Variants in FAM81B observed in about 807,000 individuals in gnomAD.
FAM81B encodes family with sequence similarity 81 member B.
A neutral mutation model predicts 58.7 loss-of-function variants in FAM81B; 60 were observed. That is an observed-to-expected ratio of 1.02 (90% CI 0.83 to 1.27). The LOEUF is 1.27. FAM81B is among the 50% of genes most tolerant of loss of function. The pLI is 0.00. For missense variants in FAM81B, 491 were observed against 522.0 expected (o/e 0.94, Z 0.58); for synonymous variants, 189 against 179.6 (o/e 1.05, Z -0.42).
chr5:95,401,905 A>G (rs369622768), intron 3 of FAM81B, among the ~76,000 whole-genome samples: 1 of 152,160 alleles, frequency 6.6e-6, no homozygotes, highest in East Asian at 1.9e-4. Context: ...TTTGTGGAAA[A>G]TCTGTTCAGA....
At chr5:95,400,315 C>G (rs1478709712) in intron 3 of FAM81B, among the ~76,000 whole-genome samples, 3 of 152,046 alleles carry the variant, frequency 2.0e-5, no homozygotes, top group Non-Finnish European at 4.4e-5. Flanking sequence ...CCCTGGCACT[C>G]CTTGGCTTGT....
chr5:95,446,463 C>T (rs2152770943), intron 7 of FAM81B, 99 bp from the exon 8 acceptor site: 2 of 1,164,536 alleles, frequency 1.7e-6, no homozygotes, highest in Non-Finnish European at 2.4e-6. Flanking sequence ...GCTAGACACA[C>T]TGAGTCTCGT....
At chr5:95,436,191 T>G (rs1443096130) in intron 6 of FAM81B, among the ~76,000 whole-genome samples, 1 of 152,230 alleles carries the variant, frequency 6.6e-6, no homozygotes, top group African/African-American at 2.4e-5. Context: ...TGAAAGGTGC[T>G]CTAATCTTAA....
At chr5:95,397,240 G>T (rs1373396227) in intron 3 of FAM81B, among the ~76,000 whole-genome samples, 1 of 151,858 alleles carries the variant, frequency 6.6e-6, no homozygotes, top group East Asian at 1.9e-4. Flanking sequence ...ACTTGTATTT[G>T]TTTATATGAC....
chr5:95,423,871 C>T (rs1347779860), intron 5 of FAM81B, among the ~76,000 whole-genome samples: 1 of 152,066 alleles, frequency 6.6e-6, no homozygotes, highest in African/African-American at 2.4e-5. Context: ...TTCCACTAGT[C>T]AACAGTCATA....
Position 95,414,153 on chromosome 5 carries a change from T to C in FAM81B, c.500T>C (p.Ile167Thr). ...RKLLESHIQT[I>T]TSIVKKLSQN... ...TTACTGGAAAGCCACATCCAGACCA[T>C]CACCAGCATCGTCAAAAAACTCAGC... The change falls in exon 4 of 10, where the codon ATC becomes ACC. Residue 167 changes from isoleucine to threonine, a missense_variant. Coordinates refer to ENST00000283357, the MANE Select transcript of FAM81B (RefSeq NM_152548.3). 6.2e-7 allele frequency: 1 copy of C among 1,612,994 alleles called. No individual in the cohort carries two copies. The highest frequency in any genetic ancestry group is 8.5e-7 in the Non-Finnish European group (1 of 1,179,624).
At chr5:95,426,764 C>T (rs1762842334) in intron 5 of FAM81B, among the ~76,000 whole-genome samples, 1 of 152,062 alleles carries the variant, frequency 6.6e-6, no homozygotes, top group Non-Finnish European at 1.5e-5. Flanking sequence ...GAAGCTTGTC[C>T]CAGGCCGGGC....
At chr5:95,445,067 A>G (rs890409065) in intron 7 of FAM81B, among the ~76,000 whole-genome samples, 1 of 152,214 alleles carries the variant, frequency 6.6e-6, no homozygotes, top group African/African-American at 2.4e-5. Context: ...CCTAAAAATA[A>G]TGATTTCACA....
chr5:95,434,639 C>A (rs1455107033), intron 6 of FAM81B, among the ~76,000 whole-genome samples: 1 of 152,196 alleles, frequency 6.6e-6, no homozygotes, highest in African/African-American at 2.4e-5. Context: ...TTCTGCCTCC[C>A]ACAATTTGTC....
intron 6 of FAM81B, among the ~76,000 whole-genome samples, chr5:95,432,270 G>A (rs879421388): frequency 4.6e-5 from 7 of 151,890 alleles, no homozygotes; most frequent in Non-Finnish European, 5.9e-5. Flanking sequence ...TTTTGTTGTG[G>A]TGCAGGATAA....
chr5:95,426,894 A>G lies in FAM81B; in HGVS notation c.657-1709A>G, dbSNP rs1366202073. Among the ~76,000 whole-genome samples the G allele has an allele frequency of 2.0e-5, 3 of 151,996 alleles. No individual in the cohort carries two copies. In the South Asian group the frequency reaches 6.2e-4, roughly 32 times the overall value. ...AAACCCCGTCTCTACTAAAAATACAAAAAAATTAGCCAGGCGTGGTGGCGC... is the reference window on the plus strand; with the variant it reads ...AAACCCCGTCTCTACTAAAAATACAGAAAAATTAGCCAGGCGTGGTGGCGC... On this transcript the variant is annotated intron_variant, in intron 5 of 9. Coordinates refer to ENST00000283357, the MANE Select transcript of FAM81B (RefSeq NM_152548.3).
At chr5:95,396,653 C>CA (rs1761973217) in intron 3 of FAM81B, 1 of 152,810 alleles carries the variant, frequency 6.5e-6, no homozygotes, top group Non-Finnish European at 1.5e-5. Context: ...AGGGACAACT[C>CA]CAGGCACTTG....
At chr5:95,392,467 G>A (rs902810191) in intron 1 of FAM81B, among the ~76,000 whole-genome samples, 15 of 152,062 alleles carry the variant, frequency 9.9e-5, no homozygotes, top group Admixed American at 2.0e-4. Context: ...AAACCTGCAT[G>A]TTCTGCACGT....
chr5:95,427,623 A>G (rs948539423), intron 5 of FAM81B, among the ~76,000 whole-genome samples: 3 of 152,244 alleles, frequency 2.0e-5, no homozygotes, highest in Admixed American at 6.5e-5. Flanking sequence ...AACAATATTT[A>G]TATCACTTAG....
chr5:95,426,094 G>GTATATATATATATATATATA (rs57076025), intron 5 of FAM81B, among the ~76,000 whole-genome samples: 96 of 120,114 alleles, frequency 8.0e-4, no homozygotes, highest in African/African-American at 2.3e-3. Flanking sequence ...ATCTCTGTGT[G>GTATATATATATATATATATA]TATATATATA....
rs577172819 is a variant in FAM81B at position 95,405,723 on chromosome 5, C to T, written c.294-8224C>T. ...AGCCAGATCCTGGTCTCCAATGGAG[C>T]CTTGTCAGCTCCAGTGAGTCCAGGG... On this transcript the variant is annotated intron_variant, in intron 3 of 9. Transcript: ENST00000283357. Among the ~76,000 whole-genome samples, 5 of 152,300 alleles carry T rather than the reference C, an allele frequency of 3.3e-5. No individual in the cohort carries two copies. The South Asian group carries it at 8.3e-4, about 25-fold the overall frequency.
chr5:95,425,211 G>A (rs530425358), intron 5 of FAM81B, among the ~76,000 whole-genome samples: 18 of 151,758 alleles, frequency 1.2e-4, no homozygotes, highest in African/African-American at 3.9e-4. Flanking sequence ...AGAAGAAAGT[G>A]TTCTTGAAAT....
intron 3 of FAM81B, among the ~76,000 whole-genome samples, chr5:95,411,485 TAAC>T (rs1472089787): frequency 6.6e-6 from 1 of 152,174 alleles, no homozygotes; most frequent in East Asian, 1.9e-4. Flanking sequence ...ACAGGTATAC[TAAC>T]AACAGTCATA....
At chr5:95,422,524 C>A (rs1022408384) in intron 5 of FAM81B, among the ~76,000 whole-genome samples, 2 of 150,968 alleles carry the variant, frequency 1.3e-5, no homozygotes, top group African/African-American at 4.8e-5. Context: ...GCTCTGTCAC[C>A]CAAGCTGGAG....
Sources: gnomAD v4.1 joint callset for allele counts (sites outside exome capture counted in the v4.1 genomes callset) on GRCh38, gnomAD v4.1.1 for gene constraint, MANE v1.5 for transcripts, NCBI Gene and HGNC (gene_info 2026-07-23, HGNC 2026-07-21) for gene names.